Variants in BRF1 observed in about 807,000 individuals in gnomAD.
The protein encoded by BRF1 is BRF1 general transcription factor IIIB subunit.
A neutral mutation model predicts 81.7 loss-of-function variants in BRF1; 59 were observed. That is an observed-to-expected ratio of 0.72 (90% confidence interval 0.59 to 0.90). The LOEUF (loss-of-function observed/expected upper bound fraction) is 0.90. Ranked by LOEUF, BRF1 falls within the 40% of genes least tolerant of loss-of-function variation. The pLI is 0.00. For synonymous variants in BRF1, 491 were observed against 395.6 expected (o/e 1.24, Z -2.86); for missense variants, 1,050 against 936.3 (o/e 1.12, Z -1.58).
chr14:105,229,322 C>G (rs1029493767), intron 6 of BRF1, among the ~76,000 whole-genome samples: 6 of 152,192 alleles, frequency 3.9e-5, no homozygotes, highest in Non-Finnish European at 5.9e-5. Context: ...TCACCAAGGC[C>G]ACAGTGGGCC....
At position 105,211,155 on chromosome 14, in the gene BRF1, AG is replaced by A. The variant is rs1427813835; in HGVS notation, c.1962del (p.Cys655AlafsTer7). On this transcript the variant is annotated frameshift_variant, in exon 17 of 18. Transcript: ENST00000547530. LOFTEE classifies it high-confidence loss of function. ...EEEPDEEDGEPCVSALQMMGS... is the reference protein window; with the variant it reads ...EEEPDEEDGEXCVSALQMMGS... ...CCCATCATCTGCAGGGCACTGACGC[AG>A]GGCTCCCCGTCCTCCTCGTCAGGCT... The A allele has an allele frequency of 6.2e-7, 1 of 1,612,448 alleles. No individual in the cohort carries two copies. The highest frequency in any genetic ancestry group is 8.5e-7 in the Non-Finnish European group (1 of 1,179,882).
chr14:105,253,800 T>C (rs372785783), intron 4 of BRF1, among the ~76,000 whole-genome samples: 1 of 152,230 alleles, frequency 6.6e-6, no homozygotes, highest in East Asian at 1.9e-4. Context: ...TCACAGAGTG[T>C]GCCTTCTGAA....
At chr14:105,288,556 G>A (rs1027072316) in intron 1 of BRF1, among the ~76,000 whole-genome samples, 8 of 152,052 alleles carry the variant, frequency 5.3e-5, no homozygotes, top group South Asian at 2.1e-4. Context: ...TTGGGAGGCC[G>A]GAGCAGGAAG....
Position 105,214,404 on chromosome 14 carries a change from T to C in BRF1, c.1773-2240A>G, listed in dbSNP as rs960559177. On this transcript the variant is annotated intron_variant, in intron 15 of 17. Transcript: ENST00000547530. ...AGCTCGGAGGGAGCGGCTGCCCACA[T>C]CCCTGTGTGGCTCAGCTGCCCACAC... Among the ~76,000 whole-genome samples the C allele has an allele frequency of 9.1e-4, 122 of 134,512 alleles. 2 individuals carry two copies. The South Asian group carries it at 0.014, about 15-fold the overall frequency. 88.2% of individuals were successfully genotyped at this position (134,512 alleles called of 152,430 possible).
chr14:105,255,650 G>A (rs1048397929), intron 4 of BRF1, among the ~76,000 whole-genome samples: 2 of 152,224 alleles, frequency 1.3e-5, no homozygotes, highest in Non-Finnish European at 2.9e-5. Context: ...CACCGTCCCT[G>A]CAGAGCCTCG....
chr14:105,225,988 C>A, intron 10 of BRF1, 81 bp downstream of exon 10: 2 of 1,378,030 alleles, frequency 1.5e-6, no homozygotes, highest in South Asian at 2.5e-5. Context: ...CTTTCCAGGT[C>A]TTTTTCTGAT....
chr14:105,246,800 C>T, intron 5 of BRF1: 1 of 985,034 alleles, frequency 1.0e-6, no homozygotes, highest in Non-Finnish European at 1.2e-6. Flanking sequence ...AGGGTGGTTT[C>T]TTTCTAAGGA....
At chr14:105,225,978 C>G in intron 10 of BRF1, 91 bp downstream of exon 10, 1 of 1,293,786 alleles carries the variant, frequency 7.7e-7, no homozygotes, top group Non-Finnish European at 1.1e-6. Flanking sequence ...ATCCCCTTCC[C>G]TTTCCAGGTC....
chr14:105,229,154 G>C (rs1170146362), intron 6 of BRF1, among the ~76,000 whole-genome samples: 9 of 152,224 alleles, frequency 5.9e-5, no homozygotes, highest in Admixed American at 3.3e-4. Flanking sequence ...TTAAAATGAA[G>C]GCTTCCGAGA....
chr14:105,229,673 C>G (rs1236473688), intron 6 of BRF1, among the ~76,000 whole-genome samples: 5 of 149,634 alleles, frequency 3.3e-5, no homozygotes, highest in African/African-American at 1.2e-4. Flanking sequence ...CCGTGGCACC[C>G]TCAGGAGCAA....
chr14:105,296,075 T>C (rs4347564), intron 1 of BRF1, among the ~76,000 whole-genome samples: 134,185 of 134,286 alleles, frequency 1, 67,043 homozygotes, highest in Middle Eastern at 1. Flanking sequence ...AGCGACACTC[T>C]ATCTCAAAAA....
chr14:105,215,301 C>G (rs1167899327), intron 15 of BRF1, among the ~76,000 whole-genome samples: 1 of 152,044 alleles, frequency 6.6e-6, no homozygotes. Flanking sequence ...AAGACCTGCA[C>G]ACCACAATCT....
intron 11 of BRF1, 86 bp from the exon 12 acceptor site, chr14:105,220,216 G>A: frequency 1.3e-6 from 2 of 1,526,876 alleles, no homozygotes; most frequent in Non-Finnish European, 1.8e-6. Context: ...TCAGGACCCT[G>A]GGTCTGGGCT....
intron 15 of BRF1, among the ~76,000 whole-genome samples, chr14:105,215,536 CACAG>C (rs1032031480): frequency 5.3e-5 from 8 of 151,600 alleles, no homozygotes; most frequent in Non-Finnish European, 5.9e-5. Context: ...GCACTGCATG[CACAG>C]ACACAGGCAC....
chr14:105,224,440 C>G (rs1193840951), intron 10 of BRF1, among the ~76,000 whole-genome samples: 1 of 152,216 alleles, frequency 6.6e-6, no homozygotes, highest in Non-Finnish European at 1.5e-5. Context: ...TATGTCCACC[C>G]TGGCTGCAAT....
intron 6 of BRF1, among the ~76,000 whole-genome samples, chr14:105,229,564 G>A (rs771702065): frequency 6.6e-6 from 1 of 152,218 alleles, no homozygotes; most frequent in Non-Finnish European, 1.5e-5. Context: ...CCAGCACCAA[G>A]GGCAAAGTGA....
rs1305267102 is a variant in BRF1, at chr14:105,250,160, A to G, written c.544+2347T>C. ...GACCCACAGCATCTTCCTGTGGTAC[A>G]CGGCCACCAACAAGCCCCGCCTGGA... On this transcript the variant is annotated intron_variant, in intron 5 of 17. Transcript: ENST00000547530. The G allele has an allele frequency of 1.9e-6, 3 of 1,612,936 alleles. No individual in the cohort carries two copies. In the African/African-American group the frequency reaches 4.0e-5, roughly 21 times the overall value.
rs887524939 is a variant in BRF1, at chr14:105,309,608, C to G, written c.-162+5714G>C. ...TCTCCCAAGACGCTGCCAAGCCACT[C>G]TGCAGAGCTGCTCTGGGTCCTGCCC... On this transcript the variant is annotated intron_variant, in intron 1 of 17. Coordinates refer to the BRF1 transcript ENST00000327359. The surrounding 1 kb of genome is among the most constrained non-coding windows in gnomAD (Gnocchi z 4.0). Among the ~76,000 whole-genome samples, 12 of 152,192 alleles carry G rather than the reference C, an allele frequency of 7.9e-5. No individual in the cohort carries two copies. Among genetic ancestry groups the G allele is most frequent in the Non-Finnish European group, 1.5e-4 (10 of 68,010 alleles).
At chr14:105,292,828 ACCCTTTCCCAGGCCCACAC>A (rs2057575585) in intron 1 of BRF1, among the ~76,000 whole-genome samples, 1 of 150,826 alleles carries the variant, frequency 6.6e-6, no homozygotes. Context: ...CCCAGGAGCA[ACCCTTTCCCAGGCCCACAC>A]CCCTTCCCCA....
Sources: allele counts gnomAD v4.1 joint callset (sites outside exome capture counted in the v4.1 genomes callset), GRCh38; gene constraint gnomAD v4.1.1; non-coding constraint Gnocchi (gnomAD v3.1); transcripts MANE v1.5; gene names NCBI Gene and HGNC (gene_info 2026-07-23, HGNC 2026-07-21).